The following RTEL1 variants were observed in gnomAD, a reference collection of about 807,000 sequenced individuals.
RTEL1 encodes regulator of telomere length.
A neutral mutation model predicts 162.2 loss-of-function variants in RTEL1; 86 were observed. The observed-to-expected ratio is 0.53, with a 90% CI of 0.45 to 0.63. The LOEUF is 0.63. Ranked by LOEUF, RTEL1 falls within the 30% of genes least tolerant of loss-of-function variation. The pLI is 0.00. For synonymous variants in RTEL1, 958 were observed against 717.9 expected, an observed-to-expected ratio of 1.33 and a Z score of -5.35; for missense variants, 1,941 against 1,750.2, an observed-to-expected ratio of 1.11 and a Z score of -1.95.
chr20:63,692,901 C>G lies in RTEL1; in HGVS notation c.2749C>G (p.Gln917Glu). Residue 917 changes from glutamine (Q) to glutamate (E), a missense_variant, in exon 29 of 35, where the codon CAG becomes GAG. Coordinates refer to ENST00000360203, the MANE Select transcript of RTEL1 (RefSeq NM_001283009.2). ...CCAAGCCAACTTTGCCACCTTCACCCAGGCCCTGCAGGACTACAAGGGTTC... is the reference window on the plus strand; with the variant it reads ...CCAAGCCAACTTTGCCACCTTCACCGAGGCCCTGCAGGACTACAAGGGTTC... Reference protein sequence around the residue: ...LSQANFATFTQALQDYKGSDD... With the variant: ...LSQANFATFTEALQDYKGSDD... 6.2e-7 allele frequency: 1 copy of G among 1,612,646 alleles called. No homozygotes were observed. The highest frequency in any genetic ancestry group is 8.5e-7 in the Non-Finnish European group (1 of 1,179,864).
intron 2 of RTEL1, chr20:63,660,635 A>G (rs939228064): frequency 6.5e-6 from 1 of 152,826 alleles, no homozygotes; most frequent in Admixed American, 6.5e-5. Flanking sequence ...TTCCCTTTCT[A>G]CATAGACACA....
intron 9 of RTEL1, among the ~76,000 whole-genome samples, chr20:63,673,439 A>ATTGTTTGT (rs904749251): frequency 6.6e-6 from 1 of 151,808 alleles, no homozygotes; most frequent in Non-Finnish European, 1.5e-5. Flanking sequence ...CAGTGAAATA[A>ATTGTTTGT]TTGTTTGTTT....
At chr20:63,684,511 G>A (rs989768305) in intron 14 of RTEL1, among the ~76,000 whole-genome samples, 5 of 152,108 alleles carry the variant, frequency 3.3e-5, no homozygotes, top group African/African-American at 1.2e-4. Flanking sequence ...CTGCCACCAC[G>A]CCTGGCTAAT....
At chr20:63,677,607 T>C (rs1371527557) in intron 10 of RTEL1, among the ~76,000 whole-genome samples, 1 of 152,188 alleles carries the variant, frequency 6.6e-6, no homozygotes, top group African/African-American at 2.4e-5. Context: ...AGTGACACCC[T>C]GTCTCAAAAA....
rs1302416069 is a variant in RTEL1, at chr20:63,668,189, C to T, written c.699+636C>T. Reference sequence around the variant, plus strand: ...GTGTGCCCGGCCCTGCTGCCCTCCTCCCCATGTGCCCTGCTTTTGTGCCCC... The same window carrying T: ...GTGTGCCCGGCCCTGCTGCCCTCCTTCCCATGTGCCCTGCTTTTGTGCCCC... On this transcript the variant is annotated intron_variant, in intron 8 of 34. Transcript: ENST00000360203. This position sits in a 1 kb window ranked among gnomAD's most constrained non-coding sequence, Gnocchi z 4.3. Among the ~76,000 whole-genome samples, 1 of 152,222 alleles carries T rather than the reference C, an allele frequency of 6.6e-6. No individual in the cohort carries two copies. The highest frequency in any genetic ancestry group is 1.5e-5 in the Non-Finnish European group (1 of 68,046).
Position 63,659,902 on chromosome 20 carries a change from C to T in RTEL1, c.102+398C>T, listed in dbSNP as rs542224954. Reference sequence around the variant, plus strand: ...TTTCACTATCTCAGCAAGAGGAATGCGGCAGGACAGCAAGGTGATAGTGGG... The same window carrying T: ...TTTCACTATCTCAGCAAGAGGAATGTGGCAGGACAGCAAGGTGATAGTGGG... On this transcript the variant is annotated intron_variant, in intron 2 of 34. Coordinates refer to ENST00000360203, the MANE Select transcript of RTEL1 (RefSeq NM_001283009.2). Among the ~76,000 whole-genome samples, 104 of 152,296 alleles carry T rather than the reference C, an allele frequency of 6.8e-4. 1 individual carries two copies. The Middle Eastern group carries it at 0.014, about 20-fold the overall frequency.
At chr20:63,693,619 C>T (rs1285791403) in intron 30 of RTEL1, among the ~76,000 whole-genome samples, 4 of 43,020 alleles carry the variant, frequency 9.3e-5, no homozygotes, top group Non-Finnish European at 1.5e-4. Flanking sequence ...ACCTCCACCT[C>T]CACCACCACC....
rs766357644 is a variant in RTEL1 at position 63,661,819 on chromosome 20, G to T, written c.302-31G>T. Reference sequence around the variant, plus strand: ...TACGTGAGAACGTTGTCTGAGAACCGTGACTTCTGTGCTTGCTTGTGTCTG... The same window carrying T: ...TACGTGAGAACGTTGTCTGAGAACCTTGACTTCTGTGCTTGCTTGTGTCTG... On this transcript the variant is annotated intron_variant, in intron 3 of 34. Coordinates refer to ENST00000360203, the MANE Select transcript of RTEL1 (RefSeq NM_001283009.2). This position sits in a 1 kb window ranked among gnomAD's most constrained non-coding sequence, Gnocchi z 5.1. 6.3e-7 allele frequency: 1 copy of T among 1,593,148 alleles called. No homozygotes were observed. Among genetic ancestry groups the T allele is most frequent in the East Asian group, 2.2e-5 (1 of 44,790 alleles).
At chr20:63,660,404 G>T (rs1009974495) in intron 2 of RTEL1, among the ~76,000 whole-genome samples, 1 of 152,206 alleles carries the variant, frequency 6.6e-6, no homozygotes, top group African/African-American at 2.4e-5. Context: ...TCGTGCCCCT[G>T]GTTTATCGAG....
chr20:63,664,366 C>T (rs1296067963), intron 6 of RTEL1, among the ~76,000 whole-genome samples: 2 of 152,206 alleles, frequency 1.3e-5, no homozygotes, highest in African/African-American at 4.8e-5. Context: ...CCTGGCCGGC[C>T]GTGGTCCTGG....
chr20:63,693,436 CCAGCACCAGCAG>C (rs1344035193), intron 30 of RTEL1, among the ~76,000 whole-genome samples, 153 bp downstream of exon 30: 21 of 146,124 alleles, frequency 1.4e-4, no homozygotes, highest in Admixed American at 3.5e-4. Flanking sequence ...ACCTCCACCA[CCAGCACCAGCAG>C]CACCACCTCC....
Position 63,661,641 on chromosome 20 carries a change from C to T in RTEL1, c.301+145C>T, listed in dbSNP as rs1218811937. The T allele has an allele frequency of 6.0e-6, 6 of 997,044 alleles. No individual in the cohort carries two copies. The highest frequency in any genetic ancestry group is 2.4e-4 in the Middle Eastern group (1 of 4,090). 61.8% of individuals were successfully genotyped at this position (997,044 alleles called of 1,614,324 possible). ...ATTTTTTAGCTGCTGTATAATTTCT[C>T]GCCATCGTGGGTGTAAACCTAGGGT... is the stretch of plus-strand genomic sequence containing the variant. On this transcript the variant is annotated intron_variant, in intron 3 of 34. Coordinates refer to ENST00000360203, the MANE Select transcript of RTEL1 (RefSeq NM_001283009.2). This position sits in a 1 kb window ranked among gnomAD's most constrained non-coding sequence, Gnocchi z 5.1.
intron 12 of RTEL1, among the ~76,000 whole-genome samples, chr20:63,678,920 C>T (rs6011029): frequency 0.032 from 4,636 of 145,624 alleles, 520 homozygotes; most frequent in African/African-American, 0.12. Context: ...ACCCACGGAA[C>T]AGCACACTCT....
Position 63,667,230 on chromosome 20 carries a change from C to G in RTEL1, c.615-239C>G, listed in dbSNP as rs148646486. ...CTTTTCCATCGAGTTTTTAAAGAGA[C>G]GACGATTTACATGGTCGGAAACTCA... is the stretch of plus-strand genomic sequence containing the variant. On this transcript the variant is annotated intron_variant, in intron 7 of 34. Coordinates refer to ENST00000360203, the MANE Select transcript of RTEL1 (RefSeq NM_001283009.2). Among the ~76,000 whole-genome samples the G allele has an allele frequency of 2.0e-3, 306 of 152,242 alleles. 7 individuals carry two copies. The East Asian group carries it at 0.051, about 25-fold the overall frequency.
At position 63,685,705 on chromosome 20, in the gene RTEL1, G is replaced by A. The variant is rs2090577351; in HGVS notation, c.1267-86G>A. ...GGGCCACCTCCAGGAGGCAGGTGGG[G>A]CTGGGGGTCTTCTGGTCCTAAAAGG... is the stretch of plus-strand genomic sequence containing the variant. On this transcript the variant is annotated intron_variant, in intron 15 of 34. Transcript: ENST00000360203. 6 of 1,582,930 alleles carry A rather than the reference G, an allele frequency of 3.8e-6. No homozygotes were observed. The East Asian group carries it at 1.4e-4, about 36-fold the overall frequency.
intron 21 of RTEL1, 44 bp from the exon 22 acceptor site, chr20:63,689,011 C>CT (rs1568709666): frequency 7.2e-6 from 11 of 1,525,150 alleles, no homozygotes; most frequent in South Asian, 4.5e-5. Flanking sequence ...GAGGAAGGGG[C>CT]TGGGGGGGGG....
rs2145448980 is a variant in RTEL1 at position 63,693,209 on chromosome 20, G to A, written c.2918G>A (p.Gly973Glu). The A allele has an allele frequency of 6.2e-7, 1 of 1,612,172 alleles. No individual in the cohort carries two copies. The highest frequency in any genetic ancestry group is 1.1e-5 in the South Asian group (1 of 91,092). Residue 973 changes from glycine to glutamate, a missense_variant, in exon 30 of 35, where the codon GGA becomes GAA. Gly to Glu is a moderately conservative substitution (Grantham distance 98). Coordinates refer to ENST00000360203, the MANE Select transcript of RTEL1 (RefSeq NM_001283009.2). ...QFEEVCIQLT[G>E]RGCGYRPEHS... ...GAGGAGGTCTGTATCCAGCTGACAG[G>A]ACGAGGCTGTGGCTATCGGCCTGAG...
At chr20:63,674,378 G>C (rs1436018015) in intron 10 of RTEL1, among the ~76,000 whole-genome samples, 1 of 152,224 alleles carries the variant, frequency 6.6e-6, no homozygotes, top group Non-Finnish European at 1.5e-5. Context: ...GTATTGTTCA[G>C]TAGTTCTGGT....
intron 8 of RTEL1, among the ~76,000 whole-genome samples, chr20:63,670,937 C>A (rs144833777): frequency 1.3e-5 from 2 of 152,188 alleles, no homozygotes; most frequent in African/African-American, 4.8e-5. Context: ...ATGGACAGAC[C>A]GTGGTACCCG....
Sources: allele counts gnomAD v4.1 joint callset (sites outside exome capture counted in the v4.1 genomes callset), GRCh38; gene constraint gnomAD v4.1.1; non-coding constraint Gnocchi (gnomAD v3.1); transcripts MANE v1.5; gene names NCBI Gene and HGNC (gene_info 2026-07-23, HGNC 2026-07-21).